LCN15: variants seen among roughly 807,000 people sequenced by gnomAD.
LCN15 encodes the protein lipocalin-15.
Under a neutral mutation model 23.1 loss-of-function variants are expected in LCN15, and 26 were observed. That is an observed-to-expected ratio of 1.13 (90% CI 0.82 to 1.56). LCN15 has a LOEUF of 1.56. LCN15 is among the 40% of genes most tolerant of loss of function. The pLI is 0.00. For synonymous variants in LCN15, 107 were observed against 98.3 expected (o/e 1.09, Z -0.52); for missense variants, 241 against 239.5 (o/e 1.01, Z -0.04).
chr9:136,759,849 C>G (rs1847294656), intron 6 of LCN15, 66 bp from the exon 7 acceptor site: 1 of 152,430 alleles, frequency 6.6e-6, no homozygotes, highest in East Asian at 1.9e-4. Context: ...CTGCTCCCCA[C>G]AAGCTGGGCA....
At chr9:136,762,128 G>T in intron 5 of LCN15, 60 bp downstream of exon 5, 1 of 1,058,154 alleles carries the variant, frequency 9.5e-7, no homozygotes, top group Non-Finnish European at 1.4e-6. Context: ...GGAAGGGTGG[G>T]CTCATGGGAA....
In LCN15 at chr9:136,763,238, C is replaced by T. The variant is rs1847339978; in HGVS notation, c.418+119G>A. The T allele has an allele frequency of 7.3e-6, 4 of 550,470 alleles. No homozygotes were observed. The East Asian group carries it at 1.3e-4, about 17-fold the overall frequency. 34.1% of individuals were successfully genotyped at this position (550,470 alleles called of 1,614,324 possible). ...AAGGCGGGGGGCGGAGGGGTGAGGG[C>T]GGGGCCTGTGAGGAGGCGCGGGGCG... is the stretch of plus-strand genomic sequence containing the variant. On this transcript the variant is annotated intron_variant, in intron 4 of 6. Transcript: ENST00000316144.
Position 136,762,267 on chromosome 9 carries a change from G to A in LCN15, c.441C>T (p.Pro147=), listed in dbSNP as rs770501101. ...AGTCCTGGAAGGACTTCAGAGCCTG[G>A]GGACTCACATCCTGGGTCCGGCCTG... ...QLYSRTQDVS[P]QALKSFQDFY... The change falls in exon 5 of 7, where the codon CCC becomes CCT. Residue 147 remains proline (P), a synonymous_variant. Transcript: ENST00000316144. 1.3e-6 allele frequency: 2 copies of A among 1,593,138 alleles called. No individual in the cohort carries two copies. The highest frequency in any genetic ancestry group is 3.4e-5 in the Admixed American group (2 of 58,366).
chr9:136,764,389 G>A lies in LCN15; in HGVS notation c.96+4C>T. The A allele has an allele frequency of 1.2e-6, 2 of 1,612,420 alleles. No homozygotes were observed. The highest frequency in any genetic ancestry group is 1.7e-6 in the Non-Finnish European group (2 of 1,179,142). On this transcript the variant is annotated splice_donor_region_variant and intron_variant, in intron 1 of 6. Transcript: ENST00000316144. The stretch of plus-strand genomic sequence containing the variant: ...CACCACAGGACAGCAGAGGCCCCTG[G>A]TACCTTTTCAGCATTGAAGTCAGGC...
At chr9:136,763,262 C>T (rs1433214283) in intron 4 of LCN15, 95 bp downstream of exon 4, 6 of 566,714 alleles carry the variant, frequency 1.1e-5, no homozygotes, top group Non-Finnish European at 1.1e-5. Flanking sequence ...AGGCGCGGGG[C>T]GGCAGGCGGG....
chr9:136,763,917 G>C lies in LCN15; in HGVS notation c.189C>G (p.Ile63Met), dbSNP rs763828015. ...KDHLSMSTRA[I>M]RPTEEGGLHV... ...GGAGGCCGCCCTCCTCTGTGGGCCTGATGGCCCTGGTGGACATGGACAGGT... is the reference window on the plus strand; with the variant it reads ...GGAGGCCGCCCTCCTCTGTGGGCCTCATGGCCCTGGTGGACATGGACAGGT... Residue 63 changes from isoleucine to methionine, a missense_variant, in exon 2 of 7, where the codon ATC becomes ATG. Ile to Met is a conservative substitution (Grantham distance 10). Transcript: ENST00000316144. 3.1e-6 allele frequency: 5 copies of C among 1,613,656 alleles called. No homozygotes were observed. In the South Asian group the frequency reaches 5.5e-5, roughly 18 times the overall value.
intron 4 of LCN15, 34 bp from the exon 5 acceptor site, chr9:136,762,323 G>C: frequency 7.9e-7 from 1 of 1,264,054 alleles, no homozygotes; most frequent in East Asian, 2.5e-5. Flanking sequence ...GAACTCAGCA[G>C]CTCACAGGAG....
rs979819009 is a variant in LCN15 at position 136,762,217 on chromosome 9, T to C, written c.491A>G (p.Lys164Arg). ...QDFYPTLGLPKDMMVMLPQSD... is the reference protein window; with the variant it reads ...QDFYPTLGLPRDMMVMLPQSD... The stretch of plus-strand genomic sequence containing the variant: ...CTGGGGCAGCATGACCATCATGTCC[T>C]TGGGGAGCCCCAGGGTCGGGTAGAA... The change falls in exon 5 of 7, where the codon AAG becomes AGG. Residue 164 changes from lysine to arginine, a missense_variant. Lys to Arg is a conservative substitution (Grantham distance 26). Transcript: ENST00000316144. 60 of 1,598,458 alleles carry C rather than the reference T, an allele frequency of 3.8e-5. No homozygotes were observed. Among genetic ancestry groups the C allele is most frequent in the Non-Finnish European group, 5.0e-5 (59 of 1,173,284 alleles).
chr9:136,760,902 A>G (rs1031215558), intron 6 of LCN15, among the ~76,000 whole-genome samples: 1 of 152,240 alleles, frequency 6.6e-6, no homozygotes, highest in Non-Finnish European at 1.5e-5. Context: ...CGGTCTTTGC[A>G]GATACCACTA....
rs1322150934 is a variant in LCN15, at chr9:136,762,197, G to A, written c.511C>T (p.Pro171Ser). 1 of 1,585,782 alleles carries A rather than the reference G, an allele frequency of 6.3e-7. No homozygotes were observed. Among genetic ancestry groups the A allele is most frequent in the Non-Finnish European group, 8.6e-7 (1 of 1,166,912 alleles). The change falls in exon 5 of 7, where the codon CCC (proline) becomes TCC (serine). Residue 171 changes from proline to serine, a missense_variant. By Grantham distance (74) the Pro-to-Ser change is moderately conservative (BLOSUM62 -1). Transcript: ENST00000316144. The part of the protein sequence containing the change: ...GLPKDMMVML[P>S]QSDACNPESK... ...GGGCTTGCCAGGGTACCTGACTGGG[G>A]CAGCATGACCATCATGTCCTTGGGG...
At chr9:136,760,374 A>T (rs1365894209) in intron 6 of LCN15, among the ~76,000 whole-genome samples, 1 of 149,184 alleles carries the variant, frequency 6.7e-6, no homozygotes, top group East Asian at 2.0e-4. Context: ...CCCAGGCAGG[A>T]CGGCGAGTCT....
chr9:136,764,089 A>C, intron 1 of LCN15, 80 bp from the exon 2 acceptor site: 67 of 1,551,344 alleles, frequency 4.3e-5, no homozygotes, highest in Non-Finnish European at 5.3e-5. Context: ...GGGACAACTC[A>C]GAAGTCACAC....
intron 2 of LCN15, 21 bp from the exon 3 acceptor site, chr9:136,763,804 C>G (rs773892767): frequency 2.5e-6 from 4 of 1,613,394 alleles, no homozygotes; most frequent in Non-Finnish European, 3.4e-6. Flanking sequence ...ACAGCCGGCT[C>G]ACTCATGGCA....
At chr9:136,764,362 CCCA>C (rs1160622828) in intron 1 of LCN15, 28 bp downstream of exon 1, 1 of 1,584,692 alleles carries the variant, frequency 6.3e-7, no homozygotes, top group East Asian at 2.3e-5. Context: ...CCAGCTCCCA[CCCA>C]CCACAGGACA....
At chr9:136,763,266 A>T in intron 4 of LCN15, 91 bp downstream of exon 4, 1 of 518,166 alleles carries the variant, frequency 1.9e-6, no homozygotes, top group Non-Finnish European at 2.9e-6. Context: ...GCGGGGCGGC[A>T]GGCGGGCGGG....
Position 136,763,737 on chromosome 9 carries a change from A to G in LCN15, c.283T>C (p.Ser95Pro). 1 of 1,613,366 alleles carries G rather than the reference A, an allele frequency of 6.2e-7. No individual in the cohort carries two copies. Among genetic ancestry groups the G allele is most frequent in the East Asian group, 2.2e-5 (1 of 44,882 alleles). Residue 95 changes from serine to proline, a missense_variant, in exon 3 of 7, where the codon TCC becomes CCC. Ser to Pro is a moderately conservative substitution (Grantham distance 74). Coordinates refer to ENST00000316144, the MANE Select transcript of LCN15 (RefSeq NM_203347.2). The stretch of plus-strand genomic sequence containing the variant: ...CCCGGGACTCTGAAGTGTCCCTCGG[A>G]GCCCACCTTCAGGTACTCGGCATCC... ...QVDAEYLKVG[S>P]EGHFRVPALG...
rs3739941 is a variant in LCN15, at chr9:136,763,618, G to C, written c.307+95C>G. 38 of 1,429,864 alleles carry C rather than the reference G, an allele frequency of 2.7e-5. No individual in the cohort carries two copies. The East Asian group carries it at 6.7e-4, about 25-fold the overall frequency. The allele number at this position is 1,429,864 out of a possible 1,614,324, so 88.6% of individuals were successfully genotyped here. A position where few individuals can be genotyped will look rare whatever the true frequency, so the allele number is the denominator to read the frequency against. On this transcript the variant is annotated intron_variant, in intron 3 of 6. Coordinates refer to ENST00000316144, the MANE Select transcript of LCN15 (RefSeq NM_203347.2). ...GGGCGGGCAGGGGGCTGGAGACTGG[G>C]ATGGACAGCTTGGGCCCGGGTGGAA...
At chr9:136,762,382 G>A (rs1212874135) in intron 4 of LCN15, 93 bp from the exon 5 acceptor site, 2 of 747,182 alleles carry the variant, frequency 2.7e-6, no homozygotes, top group Non-Finnish European at 4.6e-6. Context: ...AGGGCTGACA[G>A]CAAGGCCGCC....
At position 136,761,405 on chromosome 9, in the gene LCN15, T is replaced by A. The variant is rs1271550265; in HGVS notation, c.*32+382A>T. Reference sequence around the variant, plus strand: ...CCTCACAAGTAGCTGAGATTACAGGTGTGCACCACCACGCCCAGCTAAGTT... The same window carrying A: ...CCTCACAAGTAGCTGAGATTACAGGAGTGCACCACCACGCCCAGCTAAGTT... On this transcript the variant is annotated intron_variant, in intron 6 of 6. Transcript: ENST00000316144. The surrounding 1 kb of genome is among the most constrained non-coding windows in gnomAD (Gnocchi z 4.2). Among the ~76,000 whole-genome samples the A allele has an allele frequency of 6.6e-6, 1 of 152,124 alleles. No homozygotes were observed. The highest frequency in any genetic ancestry group is 6.5e-5 in the Admixed American group (1 of 15,272).
Sources: gnomAD v4.1 joint callset for allele counts (sites outside exome capture counted in the v4.1 genomes callset) on GRCh38, gnomAD v4.1.1 for gene constraint, Gnocchi (gnomAD v3.1) non-coding constraint, MANE v1.5 for transcripts, NCBI Gene and HGNC (gene_info 2026-07-23, HGNC 2026-07-21) for gene names.